EYS: variants seen among roughly 807,000 people sequenced by gnomAD.
EYS encodes EGF-like photoreceptor maintenance factor, also known as protein eyes shut homolog.
In EYS, 250 loss-of-function variants were observed where a neutral mutation model predicts 282.1. The ratio of observed to expected loss-of-function variants is 0.89; its 90% confidence interval spans 0.80 to 0.98. The LOEUF (loss-of-function observed/expected upper bound fraction) is 0.98, where lower values mean the gene tolerates loss of function less well. Among genes scored for constraint, EYS ranks in the 50% least tolerant of loss-of-function variants. EYS has a pLI of 0.00. For missense variants in EYS, 4,016 were observed against 3,709.0 expected, an observed-to-expected ratio of 1.08 and a Z score of -2.15; for synonymous variants, 1,355 against 1,282.9, an observed-to-expected ratio of 1.06 and a Z score of -1.20.
At chr6:64,284,536 T>G (rs567604084) in intron 30 of EYS, among the ~76,000 whole-genome samples, 1 of 152,180 alleles carries the variant, frequency 6.6e-6, no homozygotes, top group African/African-American at 2.4e-5. Context: ...ATGACGGCCC[T>G]CTTTCCACAG....
rs772443258 is a variant in EYS at position 65,494,763 on chromosome 6, T to G, written c.648A>C (p.Ala216=). Residue 216 remains alanine (A), a synonymous_variant, in exon 4 of 43, where the codon GCA becomes GCC. Coordinates refer to ENST00000503581, the MANE Select transcript of EYS (RefSeq NM_001142800.2). ...TATTTTTACATGGTTTAAAAGAACA[T>G]GCATCAAGTTCCTGGCAGTATTTTC... ...FSGKYCQELD[A]CSFKPCKNNG... is the part of the protein sequence containing the mutation. 1 of 1,614,074 alleles carries G rather than the reference T, an allele frequency of 6.2e-7. No individual in the cohort carries two copies. The highest frequency in any genetic ancestry group is 8.5e-7 in the Non-Finnish European group (1 of 1,179,968).
intron 19 of EYS, among the ~76,000 whole-genome samples, chr6:64,838,357 T>C (rs954449540): frequency 6.6e-6 from 1 of 151,842 alleles, no homozygotes; most frequent in Non-Finnish European, 1.5e-5. Flanking sequence ...TTTACATTAA[T>C]TCTTTGTGTC....
intron 34 of EYS, among the ~76,000 whole-genome samples, chr6:63,990,318 G>C (rs181647941): frequency 2.0e-5 from 3 of 151,618 alleles, no homozygotes; most frequent in African/African-American, 7.2e-5. Context: ...CAGTTAAGAG[G>C]GTCCCACATG....
chr6:64,734,524 A>C (rs1772117378), intron 22 of EYS, among the ~76,000 whole-genome samples: 3 of 152,210 alleles, frequency 2.0e-5, no homozygotes, highest in African/African-American at 7.2e-5. Flanking sequence ...TCTCCTTATA[A>C]AAAATTTTGG....
chr6:65,277,472 G>C (rs986404441), intron 12 of EYS, among the ~76,000 whole-genome samples: 1 of 150,502 alleles, frequency 6.6e-6, no homozygotes, highest in Non-Finnish European at 1.5e-5. Flanking sequence ...AAGCGCCCCG[G>C]AAAACTTTTT....
chr6:65,140,392 A>G (rs78641922), intron 12 of EYS, among the ~76,000 whole-genome samples: 2,910 of 152,188 alleles, frequency 0.019, 74 homozygotes, highest in African/African-American at 0.066. Context: ...TGGGACTATA[A>G]CAACAGTTTA....
chr6:65,503,935 T>C (rs1339355608), intron 2 of EYS, among the ~76,000 whole-genome samples: 2 of 151,716 alleles, frequency 1.3e-5, no homozygotes, highest in African/African-American at 4.8e-5. Flanking sequence ...GTGGTTATTC[T>C]AGTTTTTTGC....
intron 31 of EYS, among the ~76,000 whole-genome samples, chr6:64,195,585 C>T (rs987335163): frequency 1.3e-5 from 2 of 152,170 alleles, no homozygotes; most frequent in African/African-American, 4.8e-5. Context: ...AGGCATGAGC[C>T]ACTATGCCCA....
intron 1 of EYS, among the ~76,000 whole-genome samples, chr6:65,689,055 C>T (rs1769138587): frequency 1.3e-5 from 2 of 150,346 alleles, no homozygotes; most frequent in Non-Finnish European, 3.0e-5. Flanking sequence ...AATCTTGCTG[C>T]TATAAAGACA....
intron 18 of EYS, among the ~76,000 whole-genome samples, chr6:64,893,272 A>T (rs1356691603): frequency 6.6e-6 from 1 of 152,076 alleles, no homozygotes; most frequent in African/African-American, 2.4e-5. Context: ...CAGCAAATTC[A>T]TCTTTAAATC....
intron 22 of EYS, among the ~76,000 whole-genome samples, chr6:64,659,356 G>A (rs1187922734): frequency 7.0e-6 from 1 of 143,730 alleles, no homozygotes; most frequent in African/African-American, 2.5e-5. Flanking sequence ...ACATTCAAAA[G>A]CTAGCAGAAG....
At chr6:64,742,085 T>G (rs1772393401) in intron 22 of EYS, among the ~76,000 whole-genome samples, 1 of 152,224 alleles carries the variant, frequency 6.6e-6, no homozygotes, top group South Asian at 2.1e-4. Flanking sequence ...TAGTCATTTC[T>G]AGCTTTTGAG....
chr6:64,010,955 G>A (rs1768591066), intron 33 of EYS, among the ~76,000 whole-genome samples: 1 of 151,814 alleles, frequency 6.6e-6, no homozygotes, highest in Non-Finnish European at 1.5e-5. Flanking sequence ...CTCTTTTTCT[G>A]AGTATATATA....
intron 41 of EYS, among the ~76,000 whole-genome samples, chr6:63,758,074 A>T (rs1562012228): frequency 1.3e-5 from 2 of 151,478 alleles, no homozygotes; most frequent in African/African-American, 4.8e-5. Context: ...TAATTATTCT[A>T]TTTTTTTTGT....
At chr6:65,405,751 G>A (rs563904918) in intron 5 of EYS, among the ~76,000 whole-genome samples, 68 of 152,062 alleles carry the variant, frequency 4.5e-4, no homozygotes, top group Non-Finnish European at 7.9e-4. Context: ...GAATTTTCAC[G>A]TTGTATCATA....
chr6:64,982,360 C>A (rs1037238194), intron 14 of EYS, among the ~76,000 whole-genome samples: 1 of 151,348 alleles, frequency 6.6e-6, no homozygotes, highest in African/African-American at 2.4e-5. Context: ...AATATGCCAA[C>A]ACTTTAGATT....
In EYS at chr6:65,400,630, C is replaced by T. The variant is rs1334422968; in HGVS notation, c.1184+1848G>A. On this transcript the variant is annotated intron_variant, in intron 7 of 42. Transcript: ENST00000503581. ...TTTCTAACTGTATTGCTTTAAGTTA[C>T]TAGGTACCAAATAAAAATTTCCATA... Among the ~76,000 whole-genome samples the T allele has an allele frequency of 2.6e-5, 4 of 152,010 alleles. No individual in the cohort carries two copies. In the East Asian group the frequency reaches 7.7e-4, roughly 29 times the overall value.
intron 12 of EYS, among the ~76,000 whole-genome samples, chr6:65,199,036 C>T (rs530242490): frequency 3.9e-5 from 6 of 152,062 alleles, no homozygotes; most frequent in Admixed American, 1.3e-4. Context: ...TGGGGTATGG[C>T]AAATTAGAGA....
chr6:64,333,198 G>A (rs1306179794), intron 29 of EYS, among the ~76,000 whole-genome samples: 1 of 152,180 alleles, frequency 6.6e-6, no homozygotes, highest in South Asian at 2.1e-4. Flanking sequence ...TATGACTTCT[G>A]GTTTGAAGTC....
Sources: allele counts gnomAD v4.1 joint callset (sites outside exome capture counted in the v4.1 genomes callset), GRCh38; gene constraint gnomAD v4.1.1; transcripts MANE v1.5; gene names NCBI Gene and HGNC (gene_info 2026-07-23, HGNC 2026-07-21).